MAML3: variants seen among roughly 807,000 people sequenced by gnomAD.
MAML3 encodes the protein mastermind like transcriptional coactivator 3.
MAML3 carries 27 observed loss-of-function variants against 101.9 expected under a neutral mutation model. The ratio of observed to expected loss-of-function variants is 0.27; its 90% CI spans 0.20 to 0.37. The LOEUF is 0.37. MAML3 is among the 10% of genes least tolerant of loss of function. The pLI is 1.00. For synonymous variants in MAML3, 501 were observed against 555.9 expected (o/e 0.90, Z 1.39); for missense variants, 1,316 against 1,444.9 (o/e 0.91, Z 1.45).
At chr4:140,093,661 C>A (rs1332556412) in intron 1 of MAML3, among the ~76,000 whole-genome samples, 1 of 151,908 alleles carries the variant, frequency 6.6e-6, no homozygotes, top group African/African-American at 2.4e-5. Context: ...ATCTCCTGAT[C>A]TCGTGATCCG....
rs76153262 is a variant in MAML3 at position 139,899,357 on chromosome 4, C to T, written c.469-8390G>A. Among the ~76,000 whole-genome samples, 100 of 152,268 alleles carry T rather than the reference C, an allele frequency of 6.6e-4. 1 individual carries two copies. The East Asian group carries it at 0.014, about 21-fold the overall frequency. ...TAGAGGATTCTGAATTCTGCAGAAG[C>T]TTGCTGGATTTCTAGAATATTTTTC... On this transcript the variant is annotated intron_variant, in intron 1 of 4. Coordinates refer to ENST00000509479, the MANE Select transcript of MAML3 (RefSeq NM_018717.5).
At chr4:139,807,511 A>G (rs1003597028) in intron 2 of MAML3, among the ~76,000 whole-genome samples, 2 of 152,216 alleles carry the variant, frequency 1.3e-5, no homozygotes, top group African/African-American at 4.8e-5. Flanking sequence ...GACAAATTAC[A>G]TCCAAGGCTA....
At chr4:140,075,910 AC>A (rs1157723002) in intron 1 of MAML3, among the ~76,000 whole-genome samples, 3 of 152,094 alleles carry the variant, frequency 2.0e-5, no homozygotes, top group Non-Finnish European at 4.4e-5. Flanking sequence ...ACAGGCATGC[AC>A]CACAACAACC....
intron 1 of MAML3, among the ~76,000 whole-genome samples, chr4:139,961,179 C>G (rs546518635): frequency 2.4e-4 from 36 of 152,336 alleles, no homozygotes; most frequent in African/African-American, 8.2e-4. Flanking sequence ...GTGTTTTCTT[C>G]TTGCCTCTGC....
chr4:139,774,196 T>C (rs1217299980), intron 2 of MAML3, among the ~76,000 whole-genome samples: 1 of 152,134 alleles, frequency 6.6e-6, no homozygotes, highest in Non-Finnish European at 1.5e-5. Context: ...GGAGCAGAAA[T>C]AATGGTCAAA....
At chr4:140,143,147 T>C (rs759777968) in intron 1 of MAML3, among the ~76,000 whole-genome samples, 5 of 152,094 alleles carry the variant, frequency 3.3e-5, no homozygotes, top group Admixed American at 2.6e-4. Flanking sequence ...TACCATTTCA[T>C]AAAACTAATT....
intron 1 of MAML3, among the ~76,000 whole-genome samples, chr4:140,137,793 G>A (rs1728919576): frequency 1.3e-5 from 2 of 152,170 alleles, no homozygotes; most frequent in South Asian, 4.1e-4. Flanking sequence ...GAATAAAGAG[G>A]AAAGCAAAGT....
intron 1 of MAML3, among the ~76,000 whole-genome samples, chr4:139,932,379 A>G (rs10016848): frequency 0.6 from 90,902 of 152,040 alleles, 27,757 homozygotes; most frequent in East Asian, 0.92. Flanking sequence ...TCTCAAGATT[A>G]TGCAGTACCT....
intron 1 of MAML3, among the ~76,000 whole-genome samples, chr4:140,003,884 T>C (rs142310351): frequency 0.011 from 1,690 of 152,326 alleles, 44 homozygotes; most frequent in African/African-American, 0.038. Flanking sequence ...TGCTTTAAGT[T>C]CCCACAAGGA....
intron 1 of MAML3, among the ~76,000 whole-genome samples, chr4:139,993,411 G>A (rs1370504264): frequency 2.0e-5 from 3 of 150,584 alleles, no homozygotes; most frequent in African/African-American, 7.3e-5. Context: ...GATACATTCT[G>A]GATAAAAGTC....
intron 1 of MAML3, among the ~76,000 whole-genome samples, chr4:139,961,622 T>A (rs1449351041): frequency 6.6e-6 from 1 of 152,220 alleles, no homozygotes; most frequent in Non-Finnish European, 1.5e-5. Flanking sequence ...GAAAGTAGAA[T>A]ACAATAAAAT....
intron 3 of MAML3, among the ~76,000 whole-genome samples, chr4:139,729,319 AG>A (rs1412825327): frequency 6.6e-6 from 1 of 152,100 alleles, no homozygotes; most frequent in Non-Finnish European, 1.5e-5. Context: ...GTGGATGCTT[AG>A]TAAATTTGCA....
chr4:139,749,235 T>A (rs1460502706), intron 2 of MAML3, among the ~76,000 whole-genome samples: 1 of 152,232 alleles, frequency 6.6e-6, no homozygotes, highest in Non-Finnish European at 1.5e-5. Flanking sequence ...TTTGACCTAA[T>A]GCTTTTGCTT....
intron 1 of MAML3, among the ~76,000 whole-genome samples, chr4:140,067,124 A>G (rs1430280738): frequency 3.3e-5 from 5 of 152,186 alleles, no homozygotes; most frequent in Non-Finnish European, 7.3e-5. Flanking sequence ...GGAAGCAGGA[A>G]GAAGAACTCA....
intron 1 of MAML3, among the ~76,000 whole-genome samples, chr4:140,057,451 G>T (rs1384058913): frequency 6.6e-6 from 1 of 152,128 alleles, no homozygotes; most frequent in African/African-American, 2.4e-5. Flanking sequence ...ATGTTCTAAG[G>T]TGATGGCTAA....
chr4:140,074,125 CGAAAAAGAAA>C (rs1423668466), intron 1 of MAML3, among the ~76,000 whole-genome samples: 91 of 111,434 alleles, frequency 8.2e-4, no homozygotes, highest in African/African-American at 2.8e-3. Flanking sequence ...AGTGAGACTT[CGAAAAAGAAA>C]GAAAAAGAAA....
intron 1 of MAML3, among the ~76,000 whole-genome samples, chr4:140,002,571 C>T (rs1734943617): frequency 6.6e-6 from 1 of 152,098 alleles, no homozygotes. Flanking sequence ...TAAATTCCAC[C>T]ATACTATAGG....
chr4:139,861,251 C>G (rs1008301153), intron 2 of MAML3, among the ~76,000 whole-genome samples: 1 of 152,014 alleles, frequency 6.6e-6, no homozygotes, highest in African/African-American at 2.4e-5. Context: ...TCTTTACTTG[C>G]CCTGTCTTTA....
intron 1 of MAML3, among the ~76,000 whole-genome samples, chr4:140,110,413 T>A (rs1728421926): frequency 6.6e-6 from 1 of 152,170 alleles, no homozygotes. Flanking sequence ...TTCACACCTT[T>A]CCTTCACGCT....
Sources: gnomAD v4.1 joint callset for allele counts (sites outside exome capture counted in the v4.1 genomes callset) on GRCh38, gnomAD v4.1.1 for gene constraint, MANE v1.5 for transcripts, NCBI Gene and HGNC (gene_info 2026-07-23, HGNC 2026-07-21) for gene names.